Variants in IFTAP observed in about 807,000 individuals in gnomAD.
IFTAP encodes intraflagellar transport associated protein.
Under a neutral mutation model 19.4 loss-of-function variants are expected in IFTAP, and 19 were observed. That is an observed-to-expected ratio of 0.98 (90% CI 0.68 to 1.44). The LOEUF (loss-of-function observed/expected upper bound fraction) is 1.44. Among genes scored for constraint, IFTAP ranks in the 40% most tolerant of loss-of-function variants. The probability of loss-of-function intolerance (pLI) is 0.00; values close to 1 mark genes in which losing one functional copy is unlikely to be tolerated. For synonymous variants in IFTAP, 85 were observed against 83.5 expected (o/e 1.02, Z -0.10); for missense variants, 240 against 253.6 (o/e 0.95, Z 0.36).
intron 4 of IFTAP, among the ~76,000 whole-genome samples, 175 bp from the exon 5 acceptor site, chr11:36,647,841 A>G (rs1374850743): frequency 6.6e-6 from 1 of 152,168 alleles, no homozygotes; most frequent in African/African-American, 2.4e-5. Context: ...GGCTTCTATT[A>G]TGAGGAAAGG....
intron 5 of IFTAP, among the ~76,000 whole-genome samples, chr11:36,651,082 G>A (rs922867540): frequency 6.6e-6 from 1 of 152,150 alleles, no homozygotes; most frequent in Non-Finnish European, 1.5e-5. Flanking sequence ...GTAATGGGAT[G>A]GCTGGGTCAA....
intron 1 of IFTAP, among the ~76,000 whole-genome samples, chr11:36,607,220 C>T (rs891314595): frequency 6.6e-6 from 1 of 152,134 alleles, no homozygotes; most frequent in Non-Finnish European, 1.5e-5. Context: ...AGGCAAAGGA[C>T]AGAATATTAA....
At chr11:36,628,315 T>G (rs908192998) in intron 2 of IFTAP, among the ~76,000 whole-genome samples, 2 of 151,278 alleles carry the variant, frequency 1.3e-5, no homozygotes, top group African/African-American at 4.9e-5. Context: ...GCTCATGGAA[T>G]TTTCCCTTTG....
chr11:36,626,482 G>A lies in IFTAP; in HGVS notation c.137-6802G>A, dbSNP rs114224298. Among the ~76,000 whole-genome samples, 317 of 151,318 alleles carry A rather than the reference G, an allele frequency of 2.1e-3. 17 individuals are homozygous for A. Among genetic ancestry groups the A allele is most frequent in the African/African-American group, 7.2e-3 (291 of 40,644 alleles). On this transcript the variant is annotated intron_variant, in intron 2 of 5. Transcript: ENST00000334307. ...GTGGACTCTCAGTGTAGAACTTCCT[G>A]GTTGAAGGGCTGAATATAAATCTAC...
intron 5 of IFTAP, among the ~76,000 whole-genome samples, chr11:36,656,632 T>G (rs530909627): frequency 3.3e-5 from 5 of 152,220 alleles, no homozygotes; most frequent in African/African-American, 1.2e-4. Context: ...CTGTTTCCCT[T>G]TTTTGCATTC....
At chr11:36,634,550 G>T (rs1852862925) in intron 3 of IFTAP, among the ~76,000 whole-genome samples, 1 of 152,104 alleles carries the variant, frequency 6.6e-6, no homozygotes, top group Non-Finnish European at 1.5e-5. Flanking sequence ...TACAAGATCA[G>T]CTTCTTTATT....
chr11:36,607,115 G>A (rs941757935), intron 1 of IFTAP, among the ~76,000 whole-genome samples: 1 of 152,130 alleles, frequency 6.6e-6, no homozygotes. Context: ...TGCTTTATCT[G>A]GGGTTGTAAT....
In IFTAP at chr11:36,640,338, C is replaced by T. The variant is rs373243905; in HGVS notation, c.358+4221C>T. ...ATAATCAAAAACAAATGCCAGTTTC[C>T]ACTGAAAATTTCTTGAAGTAGTAAA... On this transcript the variant is annotated intron_variant, in intron 4 of 5. Transcript: ENST00000334307. 1.4e-4 allele frequency among the ~76,000 whole-genome samples: 21 copies of T among 152,286 alleles called. No homozygotes were observed. In the East Asian group the frequency reaches 2.7e-3, roughly 20 times the overall value.
At chr11:36,610,816 A>ATGC (rs72422923) in intron 2 of IFTAP, among the ~76,000 whole-genome samples, 70 of 151,916 alleles carry the variant, frequency 4.6e-4, no homozygotes, top group Admixed American at 9.8e-4. Flanking sequence ...TGCTGTTGTG[A>ATGC]TGCTGCTGCT....
At chr11:36,611,822 C>T (rs547462676) in intron 2 of IFTAP, among the ~76,000 whole-genome samples, 1 of 152,116 alleles carries the variant, frequency 6.6e-6, no homozygotes, top group South Asian at 2.1e-4. Context: ...ACCAAATTAT[C>T]TTTTAGTCTG....
At chr11:36,654,971 C>A (rs1033695125) in intron 5 of IFTAP, among the ~76,000 whole-genome samples, 4 of 152,078 alleles carry the variant, frequency 2.6e-5, no homozygotes, top group Non-Finnish European at 4.4e-5. Context: ...CAGGGCAGGG[C>A]ATTTTTTTTC....
chr11:36,620,237 A>G (rs1852243216), intron 2 of IFTAP, among the ~76,000 whole-genome samples: 2 of 152,088 alleles, frequency 1.3e-5, no homozygotes, highest in African/African-American at 4.8e-5. Context: ...AACATCAAAC[A>G]TCACATAGAA....
At chr11:36,609,991 C>A in intron 1 of IFTAP, 90 bp from the exon 2 acceptor site, 1 of 1,181,218 alleles carries the variant, frequency 8.5e-7, no homozygotes, top group Non-Finnish European at 1.2e-6. Context: ...GTTTTGGAGC[C>A]TTGGAATTTT....
At chr11:36,648,887 A>G (rs1359015619) in intron 5 of IFTAP, among the ~76,000 whole-genome samples, 2 of 152,158 alleles carry the variant, frequency 1.3e-5, no homozygotes, top group African/African-American at 4.8e-5. Flanking sequence ...TGTCACCTAG[A>G]GATGAAAATG....
At chr11:36,612,120 G>T (rs1851899772) in intron 2 of IFTAP, among the ~76,000 whole-genome samples, 1 of 151,954 alleles carries the variant, frequency 6.6e-6, no homozygotes, top group African/African-American at 2.4e-5. Context: ...ATGAAAAGGG[G>T]TCTTATTCTG....
chr11:36,618,231 C>G (rs1852165440), intron 2 of IFTAP, among the ~76,000 whole-genome samples: 2 of 151,838 alleles, frequency 1.3e-5, no homozygotes, highest in Non-Finnish European at 2.9e-5. Context: ...TAAATGAGGT[C>G]ATAAGGGTGG....
At chr11:36,647,937 C>T (rs748023768) in intron 4 of IFTAP, 79 bp from the exon 5 acceptor site, 39 of 1,510,390 alleles carry the variant, frequency 2.6e-5, no homozygotes, top group Non-Finnish European at 3.1e-5. Flanking sequence ...TCATTTTCTT[C>T]GACTTCTGGG....
intron 2 of IFTAP, among the ~76,000 whole-genome samples, chr11:36,626,134 C>T (rs1249090515): frequency 6.6e-6 from 1 of 151,180 alleles, no homozygotes; most frequent in African/African-American, 2.5e-5. Context: ...ACCCTTCTTA[C>T]TTATGGCCTT....
intron 2 of IFTAP, among the ~76,000 whole-genome samples, chr11:36,620,055 T>C (rs1057408390): frequency 5.9e-5 from 9 of 152,060 alleles, no homozygotes; most frequent in Non-Finnish European, 8.8e-5. Context: ...AAAAAATTAA[T>C]TAATCTTGCA....
Sources: gnomAD v4.1 joint callset for allele counts (sites outside exome capture counted in the v4.1 genomes callset) on GRCh38, gnomAD v4.1.1 for gene constraint, MANE v1.5 for transcripts, NCBI Gene and HGNC (gene_info 2026-07-23, HGNC 2026-07-21) for gene names.